The following ARHGEF26 variants were observed in gnomAD, a reference collection of about 807,000 sequenced individuals.
The protein encoded by ARHGEF26 is Rho guanine nucleotide exchange factor 26.
A neutral mutation model predicts 89.4 loss-of-function variants in ARHGEF26; 59 were observed. The observed-to-expected ratio is 0.66, with a 90% CI of 0.54 to 0.82. ARHGEF26 has a LOEUF of 0.82. ARHGEF26 is among the 40% of genes least tolerant of loss of function. The pLI is 0.00. For missense variants in ARHGEF26, 1,234 were observed against 1,085.6 expected, an observed-to-expected ratio of 1.14 and a Z score of -1.92; for synonymous variants, 500 against 428.4, an observed-to-expected ratio of 1.17 and a Z score of -2.06.
chr3:154,152,168 C>G (rs1026852971), intron 5 of ARHGEF26, among the ~76,000 whole-genome samples: 12 of 152,112 alleles, frequency 7.9e-5, no homozygotes, highest in Admixed American at 6.6e-4. Flanking sequence ...GAATTACTTT[C>G]AATTGTATGA....
At chr3:154,199,183 A>G (rs13081276) in intron 9 of ARHGEF26, among the ~76,000 whole-genome samples, 1 of 151,516 alleles carries the variant, frequency 6.6e-6, no homozygotes, top group Non-Finnish European at 1.5e-5. Context: ...TTTTATACCC[A>G]TTAACCATCC....
intron 9 of ARHGEF26, among the ~76,000 whole-genome samples, chr3:154,205,365 T>C (rs1201574506): frequency 6.6e-6 from 1 of 152,144 alleles, no homozygotes; most frequent in African/African-American, 2.4e-5. Context: ...GTGGAGTATC[T>C]TTCTCCATCC....
At chr3:154,143,020 A>G (rs993123768) in intron 4 of ARHGEF26, among the ~76,000 whole-genome samples, 1 of 152,222 alleles carries the variant, frequency 6.6e-6, no homozygotes, top group Non-Finnish European at 1.5e-5. Context: ...ACAAAGAAAT[A>G]GAGGTATTAT....
At chr3:154,158,646 C>CTTTTTTTTTTTTTTTTTTTTTTTTTTTT (rs1711507458) in intron 6 of ARHGEF26, among the ~76,000 whole-genome samples, 1 of 152,068 alleles carries the variant, frequency 6.6e-6, no homozygotes, top group Non-Finnish European at 1.5e-5. Flanking sequence ...ATCTCCTTGT[C>CTTTTTTTTTTTTTTTTTTTTTTTTTTTT]TTTTAAGGAC....
chr3:154,193,440 T>C (rs1260194307), intron 8 of ARHGEF26, among the ~76,000 whole-genome samples: 1 of 152,182 alleles, frequency 6.6e-6, no homozygotes, highest in Non-Finnish European at 1.5e-5. Context: ...TGCCTGACTT[T>C]CAGATGGCTT....
chr3:154,131,177 G>C (rs970190410), intron 4 of ARHGEF26, among the ~76,000 whole-genome samples: 4 of 152,174 alleles, frequency 2.6e-5, no homozygotes, highest in African/African-American at 9.7e-5. Flanking sequence ...GTAGGTGATA[G>C]GGAGTGGTGG....
At chr3:154,184,444 C>G (rs1174070563) in intron 6 of ARHGEF26, among the ~76,000 whole-genome samples, 3 of 152,308 alleles carry the variant, frequency 2.0e-5, no homozygotes, top group Admixed American at 6.5e-5. Context: ...TTTTAGCTGT[C>G]CATTAGACAT....
chr3:154,122,818 C>A lies in ARHGEF26; in HGVS notation c.826C>A (p.Leu276Ile). The change falls in exon 2 of 15, where the codon CTC becomes ATC. Residue 276 changes from leucine to isoleucine, a missense_variant. Transcript: ENST00000465093. ...NQNVEPHKRL[L>I]KVRSMVEGLG... ...AAATGTGGAGCCCCACAAGAGACTC[C>A]TCAAGGTGCGCAGCATGGTGGAGGG... 6.2e-7 allele frequency: 1 copy of A among 1,612,512 alleles called. No individual in the cohort carries two copies.
chr3:154,190,231 G>A (rs1450831238), intron 7 of ARHGEF26, among the ~76,000 whole-genome samples: 1 of 152,110 alleles, frequency 6.6e-6, no homozygotes, highest in Non-Finnish European at 1.5e-5. Flanking sequence ...TGGGTTTGAG[G>A]CCAGGCACAG....
chr3:154,209,618 T>C (rs1482348877), intron 9 of ARHGEF26, among the ~76,000 whole-genome samples: 1 of 152,230 alleles, frequency 6.6e-6, no homozygotes, highest in Non-Finnish European at 1.5e-5. Flanking sequence ...CCTCTGTCTT[T>C]GTTCTGAGTC....
chr3:154,252,990 T>C, intron 12 of ARHGEF26, 126 bp from the exon 13 acceptor site: 2 of 1,013,274 alleles, frequency 2.0e-6, no homozygotes, highest in Non-Finnish European at 1.5e-6. Context: ...TCTCACCCTG[T>C]TTTACCATAC....
intron 6 of ARHGEF26, among the ~76,000 whole-genome samples, chr3:154,167,071 G>A (rs918261235): frequency 7.9e-5 from 12 of 152,124 alleles, no homozygotes; most frequent in Admixed American, 2.0e-4. Context: ...ATAAGCCCAA[G>A]TTTTCTTTAT....
chr3:154,122,946 C>T lies in ARHGEF26; in HGVS notation c.954C>T (p.Arg318=). 6.2e-7 allele frequency: 1 copy of T among 1,613,658 alleles called. No homozygotes were observed. The highest frequency in any genetic ancestry group is 8.5e-7 in the Non-Finnish European group (1 of 1,179,794). The part of the protein sequence containing the change: ...LRRGLRSTSY[R]RAVVSGFDFD... Reference sequence around the variant, plus strand: ...GAGGCTTGCGGTCCACGTCTTATCGCAGGGCAGTGGTCAGTGGCTTTGATT... The same window carrying T: ...GAGGCTTGCGGTCCACGTCTTATCGTAGGGCAGTGGTCAGTGGCTTTGATT... Residue 318 remains arginine (R), a synonymous_variant, in exon 2 of 15, where the codon CGC becomes CGT. Transcript: ENST00000465093.
At chr3:154,235,179 C>T (rs1480263494) in intron 11 of ARHGEF26, among the ~76,000 whole-genome samples, 1 of 151,848 alleles carries the variant, frequency 6.6e-6, no homozygotes. Context: ...CTTGTGTTTT[C>T]ACTGGGTTGT....
chr3:154,252,806 AATACCTTTTGG>A (rs1346393236), intron 12 of ARHGEF26, among the ~76,000 whole-genome samples: 1 of 152,198 alleles, frequency 6.6e-6, no homozygotes, highest in East Asian at 1.9e-4. Flanking sequence ...GGGTATGCTA[AATACCTTTTGG>A]AGTTATAATG....
At chr3:154,172,510 T>C (rs1712515308) in intron 6 of ARHGEF26, among the ~76,000 whole-genome samples, 1 of 152,082 alleles carries the variant, frequency 6.6e-6, no homozygotes, top group Non-Finnish European at 1.5e-5. Context: ...GCCTGGCCAA[T>C]ATGGCAAACC....
At chr3:154,182,376 A>G (rs939509532) in intron 6 of ARHGEF26, among the ~76,000 whole-genome samples, 3 of 152,108 alleles carry the variant, frequency 2.0e-5, no homozygotes, top group Admixed American at 6.6e-5. Context: ...GCCAAAATGA[A>G]TAACCCCCAG....
At chr3:154,216,482 T>A (rs112786453) in intron 9 of ARHGEF26, among the ~76,000 whole-genome samples, 184 of 28,236 alleles carry the variant, frequency 6.5e-3, no homozygotes, top group African/African-American at 0.028. Flanking sequence ...GCACTTGTTT[T>A]TTTTTTTTTA....
chr3:154,256,136 G>A lies in ARHGEF26; in HGVS notation c.*663G>A. ...AAAAAAATCCATCTCACCCCATATT[G>A]TTCTTAAATAAGTATAGACTAATTA... On this transcript the variant is annotated 3_prime_UTR_variant, in exon 15 of 15. Coordinates refer to ENST00000465093, the MANE Select transcript of ARHGEF26 (RefSeq NM_015595.4). 1 of 985,016 alleles carries A rather than the reference G, an allele frequency of 1.0e-6. No homozygotes were observed. 61.0% of individuals were successfully genotyped at this position (985,016 alleles called of 1,614,324 possible).
Sources: allele counts gnomAD v4.1 joint callset (sites outside exome capture counted in the v4.1 genomes callset), GRCh38; gene constraint gnomAD v4.1.1; transcripts MANE v1.5; gene names NCBI Gene and HGNC (gene_info 2026-07-23, HGNC 2026-07-21).